The following CCDC62 variants were observed in gnomAD, a reference collection of about 807,000 sequenced individuals.
The protein encoded by CCDC62 is coiled-coil domain-containing protein 62.
Under a neutral mutation model 80.8 loss-of-function variants are expected in CCDC62, and 72 were observed. The observed-to-expected ratio is 0.89, with a 90% confidence interval of 0.74 to 1.08. The LOEUF is 1.08. Ranked by LOEUF, CCDC62 falls within the 50% of genes least tolerant of loss-of-function variation. The probability of loss-of-function intolerance (pLI) is 0.00; values close to 1 mark genes in which losing one functional copy is unlikely to be tolerated. For missense variants in CCDC62, 704 were observed against 809.4 expected (o/e 0.87, Z 1.58); for synonymous variants, 286 against 296.5 (o/e 0.96, Z 0.36).
chr12:122,798,896 G>A (rs1241517846), intron 8 of CCDC62, among the ~76,000 whole-genome samples: 1 of 151,858 alleles, frequency 6.6e-6, no homozygotes, highest in African/African-American at 2.4e-5. Context: ...TGGCTAACAC[G>A]GTGAAGCCCC....
chr12:122,813,231 A>T (rs1275839392), intron 10 of CCDC62, 39 bp from the exon 11 acceptor site: 1 of 1,554,884 alleles, frequency 6.4e-7, no homozygotes, highest in South Asian at 1.2e-5. Context: ...TTGTGTTTGT[A>T]AACCTAAGCA....
intron 10 of CCDC62, among the ~76,000 whole-genome samples, chr12:122,808,402 C>T (rs1262976979): frequency 6.6e-6 from 1 of 152,106 alleles, no homozygotes; most frequent in Non-Finnish European, 1.5e-5. Flanking sequence ...TTCTGGTGTG[C>T]TAGATAATAC....
chr12:122,776,216 G>T (rs1439577846), intron 1 of CCDC62, among the ~76,000 whole-genome samples: 1 of 152,174 alleles, frequency 6.6e-6, no homozygotes, highest in Non-Finnish European at 1.5e-5. Flanking sequence ...TCGTTTTACA[G>T]GTGAGGAAAC....
At chr12:122,774,968 C>T (rs1190153145) in intron 1 of CCDC62, among the ~76,000 whole-genome samples, 3 of 151,442 alleles carry the variant, frequency 2.0e-5, no homozygotes, top group East Asian at 1.9e-4. Context: ...GCGGCGGGCG[C>T]CTGTAATCCC....
chr12:122,819,112 A>T (rs2135592448), intron 11 of CCDC62, among the ~76,000 whole-genome samples: 1 of 152,302 alleles, frequency 6.6e-6, no homozygotes, highest in South Asian at 2.1e-4. Context: ...TGGTGCATTA[A>T]CTGATTCTAG....
intron 6 of CCDC62, among the ~76,000 whole-genome samples, chr12:122,793,208 G>T (rs185006629): frequency 2.0e-5 from 3 of 152,258 alleles, no homozygotes; most frequent in Non-Finnish European, 2.9e-5. Context: ...AAACAGAATG[G>T]TTGTATGGGT....
At chr12:122,824,636 C>T (rs1628296) in intron 12 of CCDC62, among the ~76,000 whole-genome samples, 12,782 of 152,176 alleles carry the variant, frequency 0.084, 845 homozygotes, top group East Asian at 0.23. Context: ...AGTAGAACTC[C>T]GATTTGATCC....
rs550514536 is a variant in CCDC62 at position 122,824,389 on chromosome 12, C to T, written c.*40+930C>T. The stretch of plus-strand genomic sequence containing the variant: ...CAAGATTGCACCATTGCACTCCAGC[C>T]GGGCGACAATAATGAGACTCTGTCT... On this transcript the variant is annotated intron_variant, in intron 12 of 12. Coordinates refer to ENST00000253079, the MANE Select transcript of CCDC62 (RefSeq NM_201435.5). Among the ~76,000 whole-genome samples the T allele has an allele frequency of 6.5e-4, 98 of 151,514 alleles. 1 individual carries two copies. Among genetic ancestry groups the T allele is most frequent in the Non-Finnish European group, 1.2e-3 (82 of 67,916 alleles).
At chr12:122,791,009 G>A (rs7311369) in intron 5 of CCDC62, among the ~76,000 whole-genome samples, 3,295 of 152,258 alleles carry the variant, frequency 0.022, 123 homozygotes, top group African/African-American at 0.075. Context: ...AGGGAACGGC[G>A]GTGGGGAGAT....
At chr12:122,820,721 A>C (rs2032371576) in intron 11 of CCDC62, among the ~76,000 whole-genome samples, 1 of 151,714 alleles carries the variant, frequency 6.6e-6, no homozygotes, top group Non-Finnish European at 1.5e-5. Flanking sequence ...GCGTGCCGTA[A>C]TCCCAGCTAC....
At chr12:122,803,592 G>A (rs988230039) in intron 9 of CCDC62, among the ~76,000 whole-genome samples, 23 of 152,058 alleles carry the variant, frequency 1.5e-4, no homozygotes, top group Non-Finnish European at 8.8e-5. Flanking sequence ...TTAATTATTT[G>A]GAGTATCCTT....
At chr12:122,812,897 CAAAG>C (rs1275022647) in intron 10 of CCDC62, among the ~76,000 whole-genome samples, 19 of 151,734 alleles carry the variant, frequency 1.3e-4, no homozygotes, top group African/African-American at 4.4e-4. Flanking sequence ...CACCTAAAGA[CAAAG>C]AAATATTCAC....
chr12:122,800,500 T>C (rs2031237280), intron 8 of CCDC62, among the ~76,000 whole-genome samples: 1 of 151,248 alleles, frequency 6.6e-6, no homozygotes, highest in Admixed American at 6.6e-5. Flanking sequence ...CGATCTCAGC[T>C]CACTGCAACC....
intron 10 of CCDC62, among the ~76,000 whole-genome samples, chr12:122,810,082 G>A (rs1301830860): frequency 8.6e-5 from 13 of 151,870 alleles, no homozygotes; most frequent in Non-Finnish European, 4.4e-5. Flanking sequence ...GAAAACCTAG[G>A]CAATACCATT....
chr12:122,797,551 A>AT (rs1433674796), intron 7 of CCDC62, among the ~76,000 whole-genome samples, 156 bp downstream of exon 7: 2 of 151,954 alleles, frequency 1.3e-5, no homozygotes, highest in Admixed American at 1.3e-4. Flanking sequence ...TATTATTATT[A>AT]TTTTTTTGAG....
intron 8 of CCDC62, among the ~76,000 whole-genome samples, chr12:122,798,463 C>T (rs1016214113): frequency 1.3e-5 from 2 of 152,034 alleles, no homozygotes; most frequent in Non-Finnish European, 2.9e-5. Flanking sequence ...ATTAGCCAGG[C>T]ATAGTGGCTC....
chr12:122,814,279 C>CAAAAA (rs1242349597), intron 11 of CCDC62, among the ~76,000 whole-genome samples: 2 of 119,548 alleles, frequency 1.7e-5, no homozygotes, highest in African/African-American at 6.9e-5. Flanking sequence ...AGCTCCACCT[C>CAAAAA]AAAAAAAAAA....
chr12:122,809,096 A>G (rs942576573), intron 10 of CCDC62, among the ~76,000 whole-genome samples: 2 of 152,232 alleles, frequency 1.3e-5, no homozygotes, highest in Admixed American at 1.3e-4. Context: ...CAGTTATTCA[A>G]TCCCAAAGAG....
intron 11 of CCDC62, among the ~76,000 whole-genome samples, chr12:122,815,171 C>T (rs2032110729): frequency 3.3e-5 from 5 of 152,106 alleles, no homozygotes; most frequent in Admixed American, 3.3e-4. Context: ...CTCCAACTCC[C>T]AGGCTCAAGT....
Sources: allele counts gnomAD v4.1 joint callset (sites outside exome capture counted in the v4.1 genomes callset), GRCh38; gene constraint gnomAD v4.1.1; transcripts MANE v1.5; gene names NCBI Gene and HGNC (gene_info 2026-07-23, HGNC 2026-07-21).